HLF: variants seen among roughly 807,000 people sequenced by gnomAD.
HLF encodes HLF transcription factor, PAR bZIP family member, also known as hepatic leukemia factor.
A neutral mutation model predicts 22.6 loss-of-function variants in HLF; 3 were observed. The ratio of observed to expected loss-of-function variants is 0.13; its 90% CI spans 0.06 to 0.34. The LOEUF (loss-of-function observed/expected upper bound fraction) is 0.34. Ranked by LOEUF, HLF falls within the 10% of genes least tolerant of loss-of-function variation. The probability of loss-of-function intolerance (pLI) is 1.00; values close to 1 mark genes in which losing one functional copy is unlikely to be tolerated. For missense variants in HLF, 299 were observed against 389.2 expected (o/e 0.77, Z 1.95); for synonymous variants, 151 against 151.8 (o/e 0.99, Z 0.04).
At position 55,306,537 on chromosome 17, in the gene HLF, AGTGTGTGT is replaced by A. The variant is rs60472672; in HGVS notation, c.452-8659_452-8652del. Among the ~76,000 whole-genome samples the A allele has an allele frequency of 5.7e-3, 821 of 143,652 alleles. 10 individuals carry two copies. The highest frequency in any genetic ancestry group is 0.018 in the African/African-American group (701 of 38,766). The allele number at this position is 143,652 out of a possible 152,430, so 94.2% of individuals were successfully genotyped here. A position where few individuals can be genotyped will look rare whatever the true frequency, so the allele number is the denominator to read the frequency against. On this transcript the variant is annotated intron_variant, in intron 2 of 3. Coordinates refer to ENST00000226067, the MANE Select transcript of HLF (RefSeq NM_002126.5). Reference sequence around the variant, plus strand: ...TGCCATCTGAATGAGGCAAAAAGGAAGTGTGTGTGTGTGTGTGTGTGTGTGTGTGTGTG... The same window carrying A: ...TGCCATCTGAATGAGGCAAAAAGGAAGTGTGTGTGTGTGTGTGTGTGTGTG...
intron 2 of HLF, among the ~76,000 whole-genome samples, chr17:55,302,070 C>T (rs1398804863): frequency 1.3e-5 from 2 of 152,194 alleles, no homozygotes; most frequent in Non-Finnish European, 2.9e-5. Flanking sequence ...TTTTCCCAAC[C>T]TGCCTGGGAA....
intron 2 of HLF, among the ~76,000 whole-genome samples, chr17:55,293,626 T>C (rs1479502443): frequency 6.6e-6 from 1 of 152,246 alleles, no homozygotes; most frequent in African/African-American, 2.4e-5. Flanking sequence ...ACTATTATTA[T>C]TGTCGTTTTA....
chr17:55,293,063 A>T (rs1297842784), intron 2 of HLF, among the ~76,000 whole-genome samples: 1 of 152,224 alleles, frequency 6.6e-6, no homozygotes. Context: ...AAATAAGTTC[A>T]AGTGTTCAAT....
At chr17:55,295,587 C>T (rs1008304545) in intron 2 of HLF, among the ~76,000 whole-genome samples, 5 of 152,184 alleles carry the variant, frequency 3.3e-5, no homozygotes, top group Non-Finnish European at 7.3e-5. Context: ...AGGTTAGAGG[C>T]GGTGTAATGG....
chr17:55,268,406 A>G (rs959813075), intron 2 of HLF, among the ~76,000 whole-genome samples: 1 of 152,248 alleles, frequency 6.6e-6, no homozygotes, highest in African/African-American at 2.4e-5. Context: ...CAAGGGCTGC[A>G]GTTTAAGAAA....
chr17:55,291,755 A>C (rs976210918), intron 2 of HLF, among the ~76,000 whole-genome samples: 5 of 152,238 alleles, frequency 3.3e-5, no homozygotes, highest in African/African-American at 1.2e-4. Flanking sequence ...GATCTAGGCA[A>C]AGTAAATCAA....
At chr17:55,303,823 G>C (rs1253063161) in intron 2 of HLF, among the ~76,000 whole-genome samples, 1 of 152,206 alleles carries the variant, frequency 6.6e-6, no homozygotes, top group Non-Finnish European at 1.5e-5. Flanking sequence ...AGTTCTGGCT[G>C]TGACGTCAGT....
At chr17:55,318,168 G>C (rs1171622972) in intron 3 of HLF, among the ~76,000 whole-genome samples, 1 of 152,170 alleles carries the variant, frequency 6.6e-6, no homozygotes, top group Non-Finnish European at 1.5e-5. Context: ...CTGGGAGAGG[G>C]AAAGGGGGCA....
chr17:55,279,959 G>A (rs1486248574), intron 2 of HLF, among the ~76,000 whole-genome samples: 3 of 152,142 alleles, frequency 2.0e-5, no homozygotes, highest in Non-Finnish European at 4.4e-5. Flanking sequence ...ACCCGCAAAG[G>A]TGGTGGGATC....
chr17:55,279,070 G>A (rs953619630), intron 2 of HLF, among the ~76,000 whole-genome samples: 1 of 152,080 alleles, frequency 6.6e-6, no homozygotes, highest in African/African-American at 2.4e-5. Flanking sequence ...ACCTTCCTGG[G>A]GAAGTGAGTA....
chr17:55,300,766 C>G (rs1397322517), intron 2 of HLF, among the ~76,000 whole-genome samples: 1 of 152,162 alleles, frequency 6.6e-6, no homozygotes, highest in African/African-American at 2.4e-5. Flanking sequence ...TTCCTGGTTC[C>G]CCTGTAAGCC....
At chr17:55,316,280 T>C (rs180733105) in intron 3 of HLF, among the ~76,000 whole-genome samples, 1 of 152,314 alleles carries the variant, frequency 6.6e-6, no homozygotes, top group Admixed American at 6.5e-5. Flanking sequence ...ACTAGAGATA[T>C]GATTATTATG....
At chr17:55,305,353 A>G (rs1598405007) in intron 2 of HLF, among the ~76,000 whole-genome samples, 2 of 152,130 alleles carry the variant, frequency 1.3e-5, no homozygotes, top group East Asian at 3.9e-4. Flanking sequence ...GAGGTAAAAG[A>G]AGGGAGGGAA....
At chr17:55,274,149 C>G (rs1288798812) in intron 2 of HLF, among the ~76,000 whole-genome samples, 1 of 152,062 alleles carries the variant, frequency 6.6e-6, no homozygotes, top group African/African-American at 2.4e-5. Flanking sequence ...TTGATAACAT[C>G]CTAATGTAGA....
intron 2 of HLF, among the ~76,000 whole-genome samples, chr17:55,307,813 G>A (rs1904650371): frequency 6.9e-6 from 1 of 143,906 alleles, no homozygotes; most frequent in Admixed American, 7.1e-5. Context: ...GATCGTTTGG[G>A]ATGGAGATAA....
At chr17:55,316,887 T>C (rs1309399424) in intron 3 of HLF, among the ~76,000 whole-genome samples, 1 of 151,930 alleles carries the variant, frequency 6.6e-6, no homozygotes, top group African/African-American at 2.4e-5. Flanking sequence ...TGGGCTCAGG[T>C]CTTGGGCAAT....
intron 2 of HLF, among the ~76,000 whole-genome samples, chr17:55,307,340 T>G (rs578130056): frequency 4.0e-5 from 6 of 150,102 alleles, no homozygotes; most frequent in African/African-American, 1.5e-4. Context: ...ATTATTATTA[T>G]TATTTTTTAA....
At chr17:55,292,474 T>C (rs555431460) in intron 2 of HLF, among the ~76,000 whole-genome samples, 3 of 152,322 alleles carry the variant, frequency 2.0e-5, no homozygotes, top group African/African-American at 7.2e-5. Flanking sequence ...ATGTACATTG[T>C]TTTTAGTCAT....
chr17:55,282,930 A>G lies in HLF; in HGVS notation c.451+14844A>G, dbSNP rs575110687. 1.9e-3 allele frequency among the ~76,000 whole-genome samples: 292 copies of G among 152,306 alleles called. 3 individuals carry two copies. The highest frequency in any genetic ancestry group is 2.7e-3 in the Non-Finnish European group (186 of 68,036). ...CATTTGACACCTTTTGGAATAAAAA[A>G]ATCAACAATAATCAAGCTAGTTACT... On this transcript the variant is annotated intron_variant, in intron 2 of 3. Transcript: ENST00000226067.
Sources: gnomAD v4.1 joint callset for allele counts (sites outside exome capture counted in the v4.1 genomes callset) on GRCh38, gnomAD v4.1.1 for gene constraint, MANE v1.5 for transcripts, NCBI Gene and HGNC (gene_info 2026-07-23, HGNC 2026-07-21) for gene names.